Variants in RASAL2 observed in about 807,000 individuals in gnomAD.
The protein encoded by RASAL2 is RAS protein activator like 2.
A neutral mutation model predicts 128.9 loss-of-function variants in RASAL2; 58 were observed. The ratio of observed to expected loss-of-function variants is 0.45; its 90% CI spans 0.36 to 0.56. The LOEUF (loss-of-function observed/expected upper bound fraction) is 0.56. Ranked by LOEUF, RASAL2 falls within the 20% of genes least tolerant of loss-of-function variation. RASAL2 has a pLI of 0.00. For synonymous variants in RASAL2, 561 were observed against 580.8 expected, an observed-to-expected ratio of 0.97 and a Z score of 0.49; for missense variants, 1,360 against 1,601.6, an observed-to-expected ratio of 0.85 and a Z score of 2.57.
intron 3 of RASAL2, among the ~76,000 whole-genome samples, chr1:178,365,642 T>G (rs1201083450): frequency 2.0e-5 from 3 of 152,014 alleles, no homozygotes; most frequent in Non-Finnish European, 4.4e-5. Flanking sequence ...CAGGTAATTT[T>G]TTGTGTTTTT....
At chr1:178,461,040 C>T (rs1026720168) in intron 14 of RASAL2, among the ~76,000 whole-genome samples, 8 of 152,090 alleles carry the variant, frequency 5.3e-5, no homozygotes, top group Admixed American at 4.6e-4. Context: ...TCTTGAACTC[C>T]TGACCTCAAG....
At position 178,278,266 on chromosome 1, in the gene RASAL2, C is replaced by T. The variant is rs187863832; in HGVS notation, c.203-5298C>T. 6.6e-5 allele frequency among the ~76,000 whole-genome samples: 10 copies of T among 152,268 alleles called. No homozygotes were observed. In the East Asian group the frequency reaches 1.9e-3, roughly 29 times the overall value. On this transcript the variant is annotated intron_variant, in intron 1 of 17. Coordinates refer to ENST00000367649, the MANE Select transcript of RASAL2 (RefSeq NM_170692.4). ...CCATAATGCTTTGTTCCCCTTACTG[C>T]ACATGTGTTAGGGGATGGAATTTTC...
Position 178,467,578 on chromosome 1 carries a change from C to G in RASAL2, c.3678+157C>G, listed in dbSNP as rs112141439. 4.7e-3 allele frequency among the ~76,000 whole-genome samples: 716 copies of G among 152,332 alleles called. 4 individuals are homozygous for G. Among genetic ancestry groups the G allele is most frequent in the African/African-American group, 0.016 (656 of 41,574 alleles). Reference sequence around the variant, plus strand: ...AAGATTAAATGAGTGTCTGTGTGACCTCCATTATTTTCCTTTCTTTCACTG... The same window carrying G: ...AAGATTAAATGAGTGTCTGTGTGACGTCCATTATTTTCCTTTCTTTCACTG... On this transcript the variant is annotated intron_variant, in intron 17 of 17. Transcript: ENST00000367649.
chr1:178,210,025 A>G (rs1276776421), intron 1 of RASAL2, among the ~76,000 whole-genome samples: 1 of 151,962 alleles, frequency 6.6e-6, no homozygotes, highest in Non-Finnish European at 1.5e-5. Context: ...TTCTTTTGGT[A>G]GTTCAATTTA....
intron 1 of RASAL2, among the ~76,000 whole-genome samples, chr1:178,135,941 G>T (rs1660310209): frequency 6.6e-6 from 1 of 152,094 alleles, no homozygotes; most frequent in East Asian, 1.9e-4. Context: ...CTCCCACCAG[G>T]TCCCTCCCAC....
intron 1 of RASAL2, among the ~76,000 whole-genome samples, chr1:178,226,903 G>A (rs551389263): frequency 2.0e-4 from 31 of 152,254 alleles, no homozygotes; most frequent in African/African-American, 7.2e-4. Context: ...TCATGCCACT[G>A]CACTCCAGCC....
intron 1 of RASAL2, among the ~76,000 whole-genome samples, chr1:178,125,897 A>G (rs1659881159): frequency 6.6e-6 from 1 of 152,214 alleles, no homozygotes; most frequent in African/African-American, 2.4e-5. Context: ...TATTGTTGAT[A>G]TAGTACATAT....
At chr1:178,157,668 C>T (rs1157541423) in intron 1 of RASAL2, among the ~76,000 whole-genome samples, 1 of 152,222 alleles carries the variant, frequency 6.6e-6, no homozygotes, top group East Asian at 1.9e-4. Context: ...CTTTAACTCC[C>T]TGAGTACATA....
chr1:178,320,535 G>A (rs539542403), intron 3 of RASAL2, among the ~76,000 whole-genome samples: 151 of 152,318 alleles, frequency 9.9e-4, no homozygotes, highest in African/African-American at 3.4e-3. Context: ...CGCAATATTT[G>A]GGTGGGAGTG....
At chr1:178,353,765 G>A (rs983188253) in intron 3 of RASAL2, among the ~76,000 whole-genome samples, 1 of 152,180 alleles carries the variant, frequency 6.6e-6, no homozygotes, top group South Asian at 2.1e-4. Context: ...AACCTAATCA[G>A]TGGAGTGGCT....
intron 1 of RASAL2, among the ~76,000 whole-genome samples, chr1:178,101,693 T>G (rs60148450): frequency 0.035 from 5,335 of 152,300 alleles, 277 homozygotes; most frequent in African/African-American, 0.12. Flanking sequence ...TTGAAGAAAC[T>G]GGCTCAGGAA....
intron 3 of RASAL2, among the ~76,000 whole-genome samples, chr1:178,318,797 A>G (rs1482365226): frequency 5.3e-5 from 8 of 151,406 alleles, no homozygotes; most frequent in South Asian, 4.2e-4. Flanking sequence ...ATTTATATTT[A>G]AAGTTAATAT....
intron 1 of RASAL2, among the ~76,000 whole-genome samples, chr1:178,101,284 T>C (rs1013897667): frequency 9.2e-5 from 14 of 152,204 alleles, no homozygotes; most frequent in African/African-American, 3.4e-4. Context: ...TCCTAATCTC[T>C]ACAGCTGGGT....
At chr1:178,313,053 C>A (rs1035896227) in intron 3 of RASAL2, among the ~76,000 whole-genome samples, 1 of 152,124 alleles carries the variant, frequency 6.6e-6, no homozygotes, top group African/African-American at 2.4e-5. Context: ...AGGCTTTGAA[C>A]CCTGGAAGTA....
At chr1:178,249,673 G>T (rs564542117) in intron 1 of RASAL2, among the ~76,000 whole-genome samples, 4 of 152,196 alleles carry the variant, frequency 2.6e-5, no homozygotes, top group South Asian at 4.1e-4. Flanking sequence ...CATTTTCGTG[G>T]ATTTATCTAC....
intron 1 of RASAL2, among the ~76,000 whole-genome samples, chr1:178,110,061 A>G (rs1659238782): frequency 6.6e-6 from 1 of 152,200 alleles, no homozygotes; most frequent in African/African-American, 2.4e-5. Flanking sequence ...GAAAATTGCA[A>G]CAACAAACTA....
intron 3 of RASAL2, among the ~76,000 whole-genome samples, chr1:178,351,752 G>A (rs1436397466): frequency 6.8e-6 from 1 of 148,138 alleles, no homozygotes; most frequent in African/African-American, 2.5e-5. Context: ...AAAAAAAAGT[G>A]TAGGCATTGG....
At chr1:178,447,701 A>T (rs994980737) in intron 9 of RASAL2, among the ~76,000 whole-genome samples, 1 of 142,888 alleles carries the variant, frequency 7.0e-6, no homozygotes, top group Non-Finnish European at 1.5e-5. Flanking sequence ...AAAAAAAAAA[A>T]GCCATTGTAA....
At chr1:178,242,818 C>A (rs1664577504) in intron 1 of RASAL2, among the ~76,000 whole-genome samples, 1 of 152,152 alleles carries the variant, frequency 6.6e-6, no homozygotes, top group East Asian at 1.9e-4. Flanking sequence ...CCTTGACCTT[C>A]CAGGCTCAAG....
Sources: allele counts gnomAD v4.1 joint callset (sites outside exome capture counted in the v4.1 genomes callset), GRCh38; gene constraint gnomAD v4.1.1; transcripts MANE v1.5; gene names NCBI Gene and HGNC (gene_info 2026-07-23, HGNC 2026-07-21).